PPIE: variants seen among roughly 807,000 people sequenced by gnomAD.
PPIE encodes peptidylprolyl isomerase E.
In PPIE, 20 loss-of-function variants were observed where a neutral mutation model predicts 38.4. The observed-to-expected ratio is 0.52, with a 90% confidence interval of 0.37 to 0.76. PPIE has a LOEUF of 0.76. PPIE is among the 30% of genes least tolerant of loss of function. PPIE has a pLI of 0.00. For synonymous variants in PPIE, 142 were observed against 135.7 expected (o/e 1.05, Z -0.32); for missense variants, 322 against 385.8 (o/e 0.83, Z 1.39).
intron 7 of PPIE, chr1:39,746,332 T>C (rs1483190581): frequency 6.6e-6 from 1 of 152,238 alleles, no homozygotes. Context: ...TAGTTTTCTG[T>C]GTAATCATTC....
At chr1:39,763,384 G>A (rs554833237) in intron 9 of PPIE, among the ~76,000 whole-genome samples, 6 of 103,770 alleles carry the variant, frequency 5.8e-5, no homozygotes, top group South Asian at 8.3e-4. Context: ...TTCACTTTGC[G>A]TCCCCTCCCC....
downstream of PPIE, chr1:39,759,519 G>A (rs183319635): frequency 1.1e-4 from 17 of 152,370 alleles, no homozygotes; most frequent in Non-Finnish European, 2.4e-4. Flanking sequence ...ATTCCAGATT[G>A]ATTACTGATG....
chr1:39,751,826 T>C (rs1647762588), intron 8 of PPIE, among the ~76,000 whole-genome samples: 1 of 152,194 alleles, frequency 6.6e-6, no homozygotes. Flanking sequence ...GGCTCATGCC[T>C]GTAATCCCAA....
intron 7 of PPIE, chr1:39,745,781 T>G (rs1647187909): frequency 3.4e-6 from 1 of 298,476 alleles, no homozygotes; most frequent in Admixed American, 4.5e-5. Context: ...CCAATAATAT[T>G]TAAGACAATA....
intron 7 of PPIE, chr1:39,748,218 C>T (rs56064244): frequency 0.31 from 47,846 of 152,076 alleles, 7,862 homozygotes; most frequent in South Asian, 0.41. Flanking sequence ...CTTTGATGCA[C>T]GTCTTAAATT....
chr1:39,749,115 G>A (rs888618101), intron 8 of PPIE, 27 bp downstream of exon 8: 8 of 1,556,188 alleles, frequency 5.1e-6, no homozygotes, highest in Non-Finnish European at 4.3e-6. Context: ...ATGTGGTGAC[G>A]AGGGAGGCTG....
chr1:39,763,036 C>G (rs1649224805), intron 9 of PPIE: 2 of 1,588,114 alleles, frequency 1.3e-6, no homozygotes, highest in Non-Finnish European at 1.7e-6. Flanking sequence ...GGACCAGACC[C>G]CTCTCCACAG....
chr1:39,748,565 C>T (rs757278260), intron 7 of PPIE: 9 of 237,696 alleles, frequency 3.8e-5, no homozygotes, highest in Non-Finnish European at 6.7e-5. Context: ...AGTGAAACCC[C>T]ATCTCTACTA....
intron 1 of PPIE, 120 bp downstream of exon 1, chr1:39,739,051 T>G: frequency 2.7e-6 from 3 of 1,131,484 alleles, no homozygotes; most frequent in Non-Finnish European, 2.3e-6. Flanking sequence ...GCCGGGTCTC[T>G]GGCGGTAGTG....
rs370411163 is a variant in PPIE, at chr1:39,751,254, C to T, written c.695-1656C>T. Among the ~76,000 whole-genome samples the T allele has an allele frequency of 2.6e-4, 39 of 152,326 alleles. 1 individual carries two copies. The highest frequency in any genetic ancestry group is 2.3e-3 in the East Asian group (12 of 5,182). ...ATGGAAAATCAAAAGCACTCCAAAA[C>T]TTTGGGCTTATATGTATAATGGAAT... On this transcript the variant is annotated intron_variant, in intron 8 of 9. Transcript: ENST00000324379.
chr1:39,757,910 G>C (rs1648463933), downstream of PPIE: 1 of 152,168 alleles, frequency 6.6e-6, no homozygotes, highest in Non-Finnish European at 1.5e-5. Context: ...AAGTCTGATG[G>C]CCAACTAGGT....
chr1:39,749,383 A>G (rs1421876077), intron 8 of PPIE, among the ~76,000 whole-genome samples: 1 of 151,616 alleles, frequency 6.6e-6, no homozygotes, highest in East Asian at 1.9e-4. Flanking sequence ...TGCCCTCACC[A>G]TCAGATTTAC....
At chr1:39,744,879 T>C (rs998630650) in intron 6 of PPIE, among the ~76,000 whole-genome samples, 1 of 152,326 alleles carries the variant, frequency 6.6e-6, no homozygotes, top group Middle Eastern at 3.4e-3. Flanking sequence ...TTCCACTGTC[T>C]TCTGAGCACT....
Position 39,745,591 on chromosome 1 carries a change from G to C in PPIE, c.508+93G>C. ...TTACTGCTTCACTTCTTGTGTCCTT[G>C]ATATTGCTTCTGACCTAAGTTGATT... is the stretch of plus-strand genomic sequence containing the variant. On this transcript the variant is annotated intron_variant, in intron 7 of 9. Transcript: ENST00000324379. 3.2e-6 allele frequency: 5 copies of C among 1,582,906 alleles called. No homozygotes were observed. The South Asian group carries it at 3.4e-5, about 11-fold the overall frequency.
At chr1:39,753,244 T>A (rs1315517025) in intron 9 of PPIE, 43 bp from the exon 10 acceptor site, 4 of 1,610,524 alleles carry the variant, frequency 2.5e-6, no homozygotes, top group Non-Finnish European at 3.4e-6. Flanking sequence ...TAAACCACTG[T>A]TAGTCTCCGG....
In PPIE at chr1:39,756,044, A is replaced by T; in HGVS notation, c.*2689A>T. On this transcript the variant is annotated 3_prime_UTR_variant, in exon 10 of 10. Transcript: ENST00000324379. ...TTGGCCAGGACCTGTGTGGAGAGAC[A>T]CAGGAGACAAGACCCTGCTCTTCCA... 1 of 985,380 alleles carries T rather than the reference A, an allele frequency of 1.0e-6. No individual in the cohort carries two copies. Among genetic ancestry groups the T allele is most frequent in the Non-Finnish European group, 1.2e-6 (1 of 829,910 alleles). The allele number at this position is 985,380 out of a possible 1,614,324, so 61.0% of individuals were successfully genotyped here. A position where few individuals can be genotyped will look rare whatever the true frequency, so the allele number is the denominator to read the frequency against.
chr1:39,741,170 T>G (rs987328112), intron 2 of PPIE, among the ~76,000 whole-genome samples, 196 bp from the exon 3 acceptor site: 1 of 152,160 alleles, frequency 6.6e-6, no homozygotes, highest in African/African-American at 2.4e-5. Flanking sequence ...CTATGTCCAT[T>G]AAAAAAACAA....
intron 7 of PPIE, chr1:39,746,828 C>T (rs1386363674): frequency 6.6e-6 from 1 of 152,150 alleles, no homozygotes; most frequent in Non-Finnish European, 1.5e-5. Context: ...TCTCTTCCTC[C>T]CTGCTTTTTA....
At position 39,753,445 on chromosome 1, in the gene PPIE, C is replaced by G. The variant is rs1389807591; in HGVS notation, c.*90C>G. 1.9e-6 allele frequency: 3 copies of G among 1,557,602 alleles called. No homozygotes were observed. Among genetic ancestry groups the G allele is most frequent in the Non-Finnish European group, 2.6e-6 (3 of 1,153,156 alleles). On this transcript the variant is annotated 3_prime_UTR_variant, in exon 10 of 10. Transcript: ENST00000324379. ...CTCAGAGGAGGCAGCACCGAGGGTG[C>G]CTGTTTGAAGCAAGCAGCATTTGGG... is the stretch of plus-strand genomic sequence containing the variant.
Sources: allele counts gnomAD v4.1 joint callset (sites outside exome capture counted in the v4.1 genomes callset), GRCh38; gene constraint gnomAD v4.1.1; transcripts MANE v1.5; gene names NCBI Gene and HGNC (gene_info 2026-07-23, HGNC 2026-07-21).